The following SORCS3 variants were observed in gnomAD, a reference collection of about 807,000 sequenced individuals.
SORCS3 encodes sortilin related VPS10 domain containing receptor 3, also known as VPS10 domain-containing receptor SorCS3.
A neutral mutation model predicts 146.3 loss-of-function variants in SORCS3; 57 were observed. The ratio of observed to expected loss-of-function variants is 0.39; its 90% CI spans 0.31 to 0.49. SORCS3 has a LOEUF of 0.49. Ranked by LOEUF, SORCS3 falls within the 20% of genes least tolerant of loss-of-function variation. The pLI is 0.92. For synonymous variants in SORCS3, 653 were observed against 618.5 expected, an observed-to-expected ratio of 1.06 and a Z score of -0.83; for missense variants, 1,341 against 1,575.5, an observed-to-expected ratio of 0.85 and a Z score of 2.52.
chr10:105,102,373 T>C (rs2055790946), intron 6 of SORCS3, among the ~76,000 whole-genome samples: 1 of 152,268 alleles, frequency 6.6e-6, no homozygotes, highest in South Asian at 2.1e-4. Flanking sequence ...ATCATGTCCT[T>C]TGCAGCAACA....
chr10:105,151,175 G>A (rs1191746342), intron 9 of SORCS3, among the ~76,000 whole-genome samples: 2 of 152,140 alleles, frequency 1.3e-5, no homozygotes, highest in Non-Finnish European at 2.9e-5. Context: ...GAGTAATTTG[G>A]AGAGACTTAT....
intron 2 of SORCS3, among the ~76,000 whole-genome samples, chr10:104,905,800 G>C (rs2018899121): frequency 6.6e-6 from 1 of 152,194 alleles, no homozygotes; most frequent in Non-Finnish European, 1.5e-5. Context: ...GGCTCCGTCG[G>C]GGAGGATGGC....
At chr10:104,730,249 A>G (rs905357766) in intron 1 of SORCS3, among the ~76,000 whole-genome samples, 1 of 152,228 alleles carries the variant, frequency 6.6e-6, no homozygotes, top group African/African-American at 2.4e-5. Flanking sequence ...AATGAAGTAT[A>G]TACTGTTTGT....
chr10:105,013,008 C>T (rs1025300469), intron 4 of SORCS3, among the ~76,000 whole-genome samples: 8 of 151,994 alleles, frequency 5.3e-5, no homozygotes, highest in African/African-American at 1.5e-4. Flanking sequence ...AAAGGGAATG[C>T]GTTATGATTG....
Position 104,767,720 on chromosome 10 carries a change from C to T in SORCS3, c.628-75072C>T, listed in dbSNP as rs138264381. Among the ~76,000 whole-genome samples the T allele has an allele frequency of 1.6e-3, 215 of 136,908 alleles. 1 individual carries two copies. Among genetic ancestry groups the T allele is most frequent in the African/African-American group, 5.7e-3 (204 of 35,956 alleles). The allele number at this position is 136,908 out of a possible 152,430, so 89.8% of individuals were successfully genotyped here. A position where few individuals can be genotyped will look rare whatever the true frequency, so the allele number is the denominator to read the frequency against. On this transcript the variant is annotated intron_variant, in intron 1 of 26. Coordinates refer to ENST00000369701, the MANE Select transcript of SORCS3 (RefSeq NM_014978.3). The stretch of plus-strand genomic sequence containing the variant: ...CCACTTGCCTTCCTCTCCCCCTCCG[C>T]CTCCCCTCCCCTTTCCTCTCCTCGC...
intron 16 of SORCS3, among the ~76,000 whole-genome samples, chr10:105,206,295 G>A (rs1174657195): frequency 6.6e-6 from 1 of 152,164 alleles, no homozygotes; most frequent in East Asian, 1.9e-4. Flanking sequence ...AGCTATCATA[G>A]TTACATGTGG....
At chr10:105,262,133 C>T (rs1386426557) in intron 25 of SORCS3, among the ~76,000 whole-genome samples, 198 bp from the exon 26 acceptor site, 1 of 152,076 alleles carries the variant, frequency 6.6e-6, no homozygotes, top group East Asian at 1.9e-4. Flanking sequence ...TTACATCTTC[C>T]CTGGGCATCT....
At chr10:104,814,101 C>A (rs1371342045) in intron 1 of SORCS3, among the ~76,000 whole-genome samples, 1 of 151,936 alleles carries the variant, frequency 6.6e-6, no homozygotes, top group Non-Finnish European at 1.5e-5. Context: ...ACCTGAATAG[C>A]TTCTAAGGGG....
intron 2 of SORCS3, among the ~76,000 whole-genome samples, chr10:104,908,473 T>G (rs1351617790): frequency 1.3e-5 from 2 of 152,218 alleles, no homozygotes; most frequent in African/African-American, 4.8e-5. Context: ...GCTAGGTATC[T>G]TATTACTCTT....
At chr10:104,900,618 C>T (rs755080657) in intron 2 of SORCS3, among the ~76,000 whole-genome samples, 48 of 151,998 alleles carry the variant, frequency 3.2e-4, no homozygotes, top group Non-Finnish European at 6.2e-4. Context: ...TGGCCTGGTG[C>T]GGACGCTCAC....
rs35604992 is a variant in SORCS3, at chr10:105,003,998, C to CTTTTT, written c.954+26506_954+26507insTTTTT. 2.0e-3 allele frequency among the ~76,000 whole-genome samples: 267 copies of CTTTTT among 136,014 alleles called. 11 individuals are homozygous for CTTTTT. Among genetic ancestry groups the CTTTTT allele is most frequent in the African/African-American group, 7.0e-3 (240 of 34,240 alleles). The allele number at this position is 136,014 out of a possible 152,430, so 89.2% of individuals were successfully genotyped here. On this transcript the variant is annotated intron_variant, in intron 4 of 26. Coordinates refer to ENST00000369701, the MANE Select transcript of SORCS3 (RefSeq NM_014978.3). ...TTCCCCTCCTTTTTTTCTCTTCTCTCTCTTTTTTTTTTTTTTACCAGAGAA... is the reference window on the plus strand; with the variant it reads ...TTCCCCTCCTTTTTTTCTCTTCTCTCTTTTTTCTTTTTTTTTTTTTTACCAGAGAA...
intron 3 of SORCS3, among the ~76,000 whole-genome samples, chr10:104,927,451 ATTGATCTGTATC>A (rs1265879108): frequency 6.6e-6 from 1 of 152,252 alleles, no homozygotes; most frequent in Non-Finnish European, 1.5e-5. Flanking sequence ...ATGAGAGGTC[ATTGATCTGTATC>A]TTGAGAGAGT....
At chr10:105,087,915 G>A (rs1221855743) in intron 5 of SORCS3, among the ~76,000 whole-genome samples, 1 of 152,214 alleles carries the variant, frequency 6.6e-6, no homozygotes, top group Non-Finnish European at 1.5e-5. Context: ...TGGCGAAGAG[G>A]ACACAGGCAT....
In SORCS3 at chr10:105,000,226, C is replaced by T. The variant is rs548946287; in HGVS notation, c.954+22733C>T. On this transcript the variant is annotated intron_variant, in intron 4 of 26. Transcript: ENST00000369701. ...TATTAAGTACCTAATCTATATCAAG[C>T]ACTGTGCTAAGTGTATTACTCTGCT... is the stretch of plus-strand genomic sequence containing the variant. 7.9e-5 allele frequency among the ~76,000 whole-genome samples: 12 copies of T among 152,226 alleles called. No individual in the cohort carries two copies. The East Asian group carries it at 2.3e-3, about 29-fold the overall frequency.
intron 4 of SORCS3, among the ~76,000 whole-genome samples, chr10:104,995,770 C>T (rs945045315): frequency 1.3e-5 from 2 of 152,220 alleles, no homozygotes; most frequent in Non-Finnish European, 2.9e-5. Flanking sequence ...TGATGAAGTA[C>T]AATTTATCAA....
At chr10:104,774,037 T>C (rs2451467) in intron 1 of SORCS3, among the ~76,000 whole-genome samples, 120,693 of 152,138 alleles carry the variant, frequency 0.79, 48,184 homozygotes, top group East Asian at 0.94. Flanking sequence ...TTTTGAGTAT[T>C]GTTTTAAATT....
Position 105,105,463 on chromosome 10 carries a change from G to A in SORCS3, c.1160G>A (p.Arg387His), listed in dbSNP as rs1476280805. The change falls in exon 7 of 27, where the codon CGC becomes CAC. Residue 387 changes from arginine (R) to histidine (H), a missense_variant. By Grantham distance (29) the Arg-to-His change is conservative. Coordinates refer to ENST00000369701, the MANE Select transcript of SORCS3 (RefSeq NM_014978.3). ...AETTRSGPFA[R>H]SIDISSLVVQ... ...ACAACTAGAAGTGGGCCTTTTGCCC[G>A]CTCCATTGACATCAGTTCCCTGGTT... 2.4e-5 allele frequency: 38 copies of A among 1,613,656 alleles called. No individual in the cohort carries two copies. The highest frequency in any genetic ancestry group is 2.9e-5 in the Non-Finnish European group (34 of 1,179,644).
At chr10:104,832,492 C>T (rs774097066) in intron 1 of SORCS3, among the ~76,000 whole-genome samples, 5 of 152,062 alleles carry the variant, frequency 3.3e-5, no homozygotes, top group Admixed American at 6.6e-5. Flanking sequence ...CCAAGGTGGG[C>T]GGACTGCCTG....
intron 1 of SORCS3, among the ~76,000 whole-genome samples, chr10:104,717,878 C>T (rs1344990609): frequency 2.6e-5 from 4 of 151,850 alleles, no homozygotes; most frequent in Admixed American, 6.6e-5. Context: ...TGGTGGCTCA[C>T]GCCTGTAATC....
Sources: allele counts gnomAD v4.1 joint callset (sites outside exome capture counted in the v4.1 genomes callset), GRCh38; gene constraint gnomAD v4.1.1; transcripts MANE v1.5; gene names NCBI Gene and HGNC (gene_info 2026-07-23, HGNC 2026-07-21).